MYT1L: variants seen among roughly 807,000 people sequenced by gnomAD.
MYT1L encodes myelin transcription factor 1-like protein.
In MYT1L, 12 loss-of-function variants were observed where a neutral mutation model predicts 126.7. That is an observed-to-expected ratio of 0.09 (90% CI 0.06 to 0.15). MYT1L has a LOEUF of 0.15. MYT1L is among the 10% of genes least tolerant of loss of function. The pLI is 1.00. For synonymous variants in MYT1L, 541 were observed against 604.2 expected, an observed-to-expected ratio of 0.90 and a Z score of 1.53; for missense variants, 979 against 1,585.2, an observed-to-expected ratio of 0.62 and a Z score of 6.49.
intron 21 of MYT1L, among the ~76,000 whole-genome samples, chr2:1,819,546 A>G (rs2148122158): frequency 6.6e-6 from 1 of 151,252 alleles, no homozygotes; most frequent in East Asian, 2.0e-4. Context: ...CTCACCCTCC[A>G]CTCCTCCTCC....
chr2:1,922,318 T>G lies in MYT1L; in HGVS notation c.1451A>C (p.Asp484Ala). The G allele has an allele frequency of 6.2e-7, 1 of 1,613,926 alleles. No homozygotes were observed. The highest frequency in any genetic ancestry group is 1.1e-5 in the South Asian group (1 of 91,064). The change falls in exon 10 of 25, where the codon GAC becomes GCC. Residue 484 changes from aspartate (D) to alanine (A), a missense_variant. Coordinates refer to ENST00000647738, the MANE Select transcript of MYT1L (RefSeq NM_001303052.2). The surrounding 1 kb of genome is among the most constrained non-coding windows in gnomAD (Gnocchi z 7.4). ...PGEDRKPKSS[D>A]SHVKKPYYGK... ...ATAGTATGGCTTTTTGACATGGCTG[T>G]CACTGGATTTAGGCTTTCTGTCCTC...
intron 2 of MYT1L, among the ~76,000 whole-genome samples, chr2:2,196,375 A>T (rs2148784936): frequency 6.6e-6 from 1 of 152,238 alleles, no homozygotes; most frequent in East Asian, 1.9e-4. Flanking sequence ...AAGTAAAATT[A>T]TCTGCTTGTA....
At chr2:2,260,613 C>T (rs146244409) in intron 2 of MYT1L, among the ~76,000 whole-genome samples, 325 of 152,096 alleles carry the variant, frequency 2.1e-3, no homozygotes, top group African/African-American at 5.4e-3. Context: ...TTCTGTTTTA[C>T]GTATTTTTTT....
intron 3 of MYT1L, among the ~76,000 whole-genome samples, chr2:2,166,432 A>G (rs1255304222): frequency 2.0e-5 from 3 of 152,252 alleles, no homozygotes; most frequent in Non-Finnish European, 4.4e-5. Context: ...CTCTACATGC[A>G]TAACTGTGTA....
chr2:2,169,556 G>T (rs17338512), intron 3 of MYT1L, among the ~76,000 whole-genome samples: 14,967 of 152,134 alleles, frequency 0.098, 709 homozygotes, highest in East Asian at 0.13. Flanking sequence ...TTATCGAGCT[G>T]GTGGCATACA....
At chr2:2,072,779 G>A (rs1476566526) in intron 3 of MYT1L, among the ~76,000 whole-genome samples, 10 of 152,122 alleles carry the variant, frequency 6.6e-5, no homozygotes, top group African/African-American at 9.7e-5. Flanking sequence ...GTTCCTACTC[G>A]TCCTTCTCTC....
intron 18 of MYT1L, among the ~76,000 whole-genome samples, chr2:1,863,618 T>C (rs969385197): frequency 2.0e-5 from 3 of 151,686 alleles, no homozygotes; most frequent in African/African-American, 4.9e-5. Flanking sequence ...CCCGGAAGGA[T>C]AGAAATGGCA....
chr2:2,038,758 G>C (rs2067178065), intron 4 of MYT1L, among the ~76,000 whole-genome samples: 1 of 152,058 alleles, frequency 6.6e-6, no homozygotes, highest in Admixed American at 6.5e-5. Context: ...GGCCCTGGTT[G>C]ATGTGTCCAG....
chr2:2,134,586 G>C (rs1001023609), intron 3 of MYT1L, among the ~76,000 whole-genome samples: 1 of 152,096 alleles, frequency 6.6e-6, no homozygotes, highest in African/African-American at 2.4e-5. Flanking sequence ...TTAGTGCCCT[G>C]GTAAGAAGAG....
At chr2:1,871,859 T>C (rs1422744968) in intron 18 of MYT1L, among the ~76,000 whole-genome samples, 1 of 152,120 alleles carries the variant, frequency 6.6e-6, no homozygotes, top group Non-Finnish European at 1.5e-5. Flanking sequence ...CAAACCAAAA[T>C]TGTTATCACT....
At chr2:2,162,971 C>T (rs2088272197) in intron 3 of MYT1L, among the ~76,000 whole-genome samples, 1 of 152,128 alleles carries the variant, frequency 6.6e-6, no homozygotes, top group South Asian at 2.1e-4. Context: ...AAATTTACTG[C>T]CCGCACTGAT....
chr2:2,158,604 C>A (rs2087152682), intron 3 of MYT1L, among the ~76,000 whole-genome samples: 1 of 150,802 alleles, frequency 6.6e-6, no homozygotes, highest in Middle Eastern at 3.2e-3. Context: ...TCCTCTCTCT[C>A]CTCCCATGGC....
rs11448419 is a variant in MYT1L at position 1,862,268 on chromosome 2, T to TAA, written c.2712-10567_2712-10566dup. Among the ~76,000 whole-genome samples the TAA allele has an allele frequency of 3.5e-4, 53 of 151,796 alleles. 1 individual carries two copies. The highest frequency in any genetic ancestry group is 1.2e-3 in the African/African-American group (48 of 41,336). Reference sequence around the variant, plus strand: ...CAGACTTAATTTTTCAAGAGGTTTTTAAAAAAAAATCAAAAAATCTTTATT... The same window carrying TAA: ...CAGACTTAATTTTTCAAGAGGTTTTTAAAAAAAAAAATCAAAAAATCTTTATT... On this transcript the variant is annotated intron_variant, in intron 18 of 24. Coordinates refer to ENST00000647738, the MANE Select transcript of MYT1L (RefSeq NM_001303052.2).
At chr2:1,985,617 A>C (rs1211365939) in intron 5 of MYT1L, among the ~76,000 whole-genome samples, 1 of 152,250 alleles carries the variant, frequency 6.6e-6, no homozygotes, top group Non-Finnish European at 1.5e-5. Flanking sequence ...AACACGTATT[A>C]TCATGAAACC....
chr2:1,863,300 C>T (rs542688824), intron 18 of MYT1L, among the ~76,000 whole-genome samples: 27 of 152,268 alleles, frequency 1.8e-4, no homozygotes, highest in African/African-American at 5.8e-4. Context: ...GCTTAGTCCA[C>T]GCTGGCCACC....
intron 2 of MYT1L, among the ~76,000 whole-genome samples, chr2:2,250,806 CT>C (rs1213882503): frequency 6.6e-6 from 1 of 151,658 alleles, no homozygotes; most frequent in Non-Finnish European, 1.5e-5. Context: ...CCCACAAGAA[CT>C]AAAAAGGAAA....
intron 8 of MYT1L, among the ~76,000 whole-genome samples, chr2:1,953,647 C>G (rs948886973): frequency 3.3e-5 from 5 of 152,192 alleles, no homozygotes; most frequent in Non-Finnish European, 7.3e-5. Context: ...GCTTTGCCAT[C>G]TAATTAATTA....
At chr2:1,997,011 T>C (rs1306056744) in intron 5 of MYT1L, among the ~76,000 whole-genome samples, 180 bp downstream of exon 5, 14 of 129,940 alleles carry the variant, frequency 1.1e-4, no homozygotes, top group African/African-American at 3.6e-4. Flanking sequence ...GCCGCCCTGC[T>C]TCAGTGTGGG....
chr2:2,086,049 C>T (rs560973731), intron 3 of MYT1L, among the ~76,000 whole-genome samples: 49 of 152,232 alleles, frequency 3.2e-4, no homozygotes, highest in Non-Finnish European at 6.2e-4. Context: ...ATTCTGATTT[C>T]GAAGAAAAAT....
Sources: gnomAD v4.1 joint callset for allele counts (sites outside exome capture counted in the v4.1 genomes callset) on GRCh38, gnomAD v4.1.1 for gene constraint, Gnocchi (gnomAD v3.1) non-coding constraint, MANE v1.5 for transcripts, NCBI Gene and HGNC (gene_info 2026-07-23, HGNC 2026-07-21) for gene names.